Variants in TRPS1 observed in about 807,000 individuals in gnomAD.
TRPS1 encodes the protein transcriptional repressor GATA binding 1, also known as zinc finger transcription factor Trps1.
A neutral mutation model predicts 101.2 loss-of-function variants in TRPS1; 6 were observed. The ratio of observed to expected loss-of-function variants is 0.06; its 90% CI spans 0.03 to 0.12. TRPS1 has a LOEUF of 0.12. Among genes scored for constraint, TRPS1 ranks in the 10% least tolerant of loss-of-function variants. TRPS1 has a pLI of 1.00. For synonymous variants in TRPS1, 578 were observed against 589.8 expected, an observed-to-expected ratio of 0.98 and a Z score of 0.29; for missense variants, 1,363 against 1,567.0, an observed-to-expected ratio of 0.87 and a Z score of 2.20.
intron 1 of TRPS1, among the ~76,000 whole-genome samples, chr8:115,655,582 A>C (rs1260136189): frequency 6.6e-6 from 1 of 152,198 alleles, no homozygotes; most frequent in East Asian, 1.9e-4. Flanking sequence ...CTAATGAAAT[A>C]AAATGTACAT....
chr8:115,422,100 C>G (rs559961603), intron 5 of TRPS1, among the ~76,000 whole-genome samples: 1 of 152,194 alleles, frequency 6.6e-6, no homozygotes, highest in East Asian at 1.9e-4. Flanking sequence ...GTTTCCTAAT[C>G]GTCACTGAAC....
At chr8:115,586,956 T>G in intron 5 of TRPS1, 45 bp downstream of exon 5, 1 of 1,611,444 alleles carries the variant, frequency 6.2e-7, no homozygotes, top group Non-Finnish European at 8.5e-7. Flanking sequence ...TTCCTCCTTT[T>G]GCCCTTCAAA....
At chr8:115,559,464 C>T (rs900771873) in intron 5 of TRPS1, among the ~76,000 whole-genome samples, 4 of 152,072 alleles carry the variant, frequency 2.6e-5, no homozygotes, top group East Asian at 1.9e-4. Flanking sequence ...CTAGGTCTCA[C>T]GCACCACAAA....
At chr8:115,529,968 T>C (rs1462297885) in intron 5 of TRPS1, among the ~76,000 whole-genome samples, 1 of 152,086 alleles carries the variant, frequency 6.6e-6, no homozygotes, top group Non-Finnish European at 1.5e-5. Context: ...ATGCATTAAA[T>C]GAGAAAATCC....
Position 115,604,510 on chromosome 8 carries a change from T to C in TRPS1, c.1459A>G (p.Lys487Glu), listed in dbSNP as rs577090095. ...SGGLNPELNDKLSRGSVINQN... is the reference protein window; with the variant it reads ...SGGLNPELNDELSRGSVINQN... ...TTAATGACAGAGCCCCTGGAAAGCT[T>C]ATCATTTAACTCTGGATTAAGGCCG... is the stretch of plus-strand genomic sequence containing the variant. Residue 487 changes from lysine to glutamate, a missense_variant, in exon 4 of 7, where the codon AAG becomes GAG. By Grantham distance (56) the Lys-to-Glu change is moderately conservative. Transcript: ENST00000395715. This position sits in a 1 kb window ranked among gnomAD's most constrained non-coding sequence, Gnocchi z 4.1. 1.9e-6 allele frequency: 3 copies of C among 1,614,076 alleles called. No individual in the cohort carries two copies. Among genetic ancestry groups the C allele is most frequent in the East Asian group, 2.2e-5 (1 of 44,872 alleles).
chr8:115,646,897 T>C (rs1563667929), intron 1 of TRPS1, among the ~76,000 whole-genome samples: 1 of 152,182 alleles, frequency 6.6e-6, no homozygotes, highest in East Asian at 1.9e-4. Flanking sequence ...CTATAACTTA[T>C]GAAATCAACT....
chr8:115,654,678 T>A (rs775783215), intron 1 of TRPS1, among the ~76,000 whole-genome samples: 1 of 152,178 alleles, frequency 6.6e-6, no homozygotes, highest in Non-Finnish European at 1.5e-5. Flanking sequence ...TAGTGACCAT[T>A]TTCATAAGCA....
intron 5 of TRPS1, among the ~76,000 whole-genome samples, chr8:115,520,080 T>C (rs1322129622): frequency 6.6e-6 from 1 of 151,736 alleles, no homozygotes; most frequent in African/African-American, 2.4e-5. Context: ...AATGTAATCA[T>C]AATTGTTTTG....
intron 5 of TRPS1, among the ~76,000 whole-genome samples, chr8:115,494,777 A>G (rs1815108526): frequency 6.6e-6 from 1 of 152,240 alleles, no homozygotes; most frequent in Admixed American, 6.5e-5. Context: ...AGAAAAAACA[A>G]TATTACCCCA....
intron 1 of TRPS1, among the ~76,000 whole-genome samples, chr8:115,632,199 GGTTT>G (rs1465098500): frequency 2.5e-4 from 38 of 151,960 alleles, no homozygotes; most frequent in Non-Finnish European, 1.5e-5. Flanking sequence ...GTATGTAATA[GGTTT>G]ATTAAATATA....
intron 5 of TRPS1, among the ~76,000 whole-genome samples, chr8:115,450,134 A>C (rs1047791038): frequency 2.0e-5 from 3 of 152,210 alleles, no homozygotes; most frequent in African/African-American, 7.2e-5. Context: ...GTAACGGAGA[A>C]TTAGGAGAAG....
chr8:115,608,776 T>A (rs1255032774), intron 3 of TRPS1, among the ~76,000 whole-genome samples: 1 of 151,748 alleles, frequency 6.6e-6, no homozygotes, highest in African/African-American at 2.4e-5. Flanking sequence ...AACTGTTTTT[T>A]AAATTTACTT....
intron 5 of TRPS1, among the ~76,000 whole-genome samples, chr8:115,527,070 G>C (rs1300614926): frequency 6.6e-6 from 1 of 151,964 alleles, no homozygotes; most frequent in Non-Finnish European, 1.5e-5. Context: ...GTTTTCCAGG[G>C]GATATCACGT....
At chr8:115,515,150 A>G (rs1815679416) in intron 5 of TRPS1, 1 of 674,674 alleles carries the variant, frequency 1.5e-6, no homozygotes, top group Non-Finnish European at 2.7e-6. Flanking sequence ...AGACAAAGAC[A>G]TATTCAATGT....
At chr8:115,569,838 T>C (rs1347136968) in intron 5 of TRPS1, among the ~76,000 whole-genome samples, 1 of 152,070 alleles carries the variant, frequency 6.6e-6, no homozygotes, top group African/African-American at 2.4e-5. Context: ...GTGTTCTATA[T>C]AAACTAATAA....
intron 5 of TRPS1, among the ~76,000 whole-genome samples, chr8:115,440,984 TA>T (rs1218259485): frequency 2.0e-5 from 3 of 151,508 alleles, no homozygotes; most frequent in Admixed American, 6.6e-5. Context: ...TTTGCTTTGC[TA>T]AAAAAAAACC....
chr8:115,451,503 G>T (rs1009533783), intron 5 of TRPS1, among the ~76,000 whole-genome samples: 7 of 152,066 alleles, frequency 4.6e-5, no homozygotes, highest in Admixed American at 4.6e-4. Flanking sequence ...TGCAAAAAAT[G>T]CAACCCCTTT....
intron 1 of TRPS1, among the ~76,000 whole-genome samples, chr8:115,635,320 A>G (rs1269173331): frequency 3.3e-5 from 5 of 152,224 alleles, no homozygotes; most frequent in Non-Finnish European, 7.3e-5. Flanking sequence ...AAGGTCAAAG[A>G]TATCTGCTGG....
intron 5 of TRPS1, among the ~76,000 whole-genome samples, chr8:115,503,891 T>C (rs1431010907): frequency 6.6e-6 from 1 of 152,214 alleles, no homozygotes; most frequent in Non-Finnish European, 1.5e-5. Flanking sequence ...CCTTATTTGG[T>C]ATCATTGTGA....
Sources: gnomAD v4.1 joint callset for allele counts (sites outside exome capture counted in the v4.1 genomes callset) on GRCh38, gnomAD v4.1.1 for gene constraint, Gnocchi (gnomAD v3.1) non-coding constraint, MANE v1.5 for transcripts, NCBI Gene and HGNC (gene_info 2026-07-23, HGNC 2026-07-21) for gene names.